SNX24: variants seen among roughly 807,000 people sequenced by gnomAD.
SNX24 encodes the protein sorting nexin-24.
Under a neutral mutation model 28.7 loss-of-function variants are expected in SNX24, and 22 were observed. That is an observed-to-expected ratio of 0.77 (90% CI 0.55 to 1.10). The LOEUF (loss-of-function observed/expected upper bound fraction) is 1.10, where lower values mean the gene tolerates loss of function less well. Among genes scored for constraint, SNX24 ranks in the 50% least tolerant of loss-of-function variants. The probability of loss-of-function intolerance (pLI) is 0.00; values close to 1 mark genes in which losing one functional copy is unlikely to be tolerated. For synonymous variants in SNX24, 69 were observed against 71.5 expected (o/e 0.96, Z 0.18); for missense variants, 221 against 201.1 (o/e 1.10, Z -0.60).
chr5:122,969,555 TA>T (rs1209303538), intron 3 of SNX24, among the ~76,000 whole-genome samples: 1 of 152,218 alleles, frequency 6.6e-6, no homozygotes, highest in African/African-American at 2.4e-5. Flanking sequence ...GATGAAATCG[TA>T]ACATCTCTTG....
At chr5:122,941,142 T>C (rs1759427809) in intron 2 of SNX24, among the ~76,000 whole-genome samples, 1 of 152,164 alleles carries the variant, frequency 6.6e-6, no homozygotes, top group Non-Finnish European at 1.5e-5. Context: ...TGTCCTTCCC[T>C]CTCATGATAA....
chr5:122,860,891 C>T (rs905891315), intron 1 of SNX24, among the ~76,000 whole-genome samples: 2 of 152,020 alleles, frequency 1.3e-5, no homozygotes, highest in East Asian at 1.9e-4. Context: ...CCACTGCGCC[C>T]GGCCAAGAAA....
intron 1 of SNX24, among the ~76,000 whole-genome samples, chr5:122,918,305 G>A (rs1285191009): frequency 6.6e-6 from 1 of 152,050 alleles, no homozygotes; most frequent in Admixed American, 6.5e-5. Context: ...CACAGAGTTT[G>A]TTCTTTGCCC....
At chr5:122,940,782 A>G (rs1301089392) in intron 2 of SNX24, among the ~76,000 whole-genome samples, 2 of 152,200 alleles carry the variant, frequency 1.3e-5, no homozygotes, top group African/African-American at 4.8e-5. Context: ...CATGTTGGCC[A>G]GGCTGGTCTC....
chr5:122,849,078 A>G (rs543718951), intron 1 of SNX24, among the ~76,000 whole-genome samples: 7 of 152,316 alleles, frequency 4.6e-5, no homozygotes, highest in East Asian at 3.9e-4. Context: ...ATCCTTGGAC[A>G]TGATTTTTTA....
chr5:123,009,910 C>G (rs1762534938), downstream of SNX24, among the ~76,000 whole-genome samples: 1 of 152,206 alleles, frequency 6.6e-6, no homozygotes. Context: ...GAGCGAAGCT[C>G]TTGAGGTAAA....
In SNX24 at chr5:123,025,822, C is replaced by T. The variant is rs143084462; in HGVS notation, n.384-3416C>T. The T allele has an allele frequency of 5.7e-3, 9,276 of 1,613,804 alleles. 38 individuals carry two copies. Among genetic ancestry groups the T allele is most frequent in the Non-Finnish European group, 7.2e-3 (8,508 of 1,179,964 alleles). On this transcript the variant is annotated intron_variant and non_coding_transcript_variant, in intron 5 of 5. Transcript: ENST00000502387. ...ACTTTTCCAAACACCACATGTTTGC[C>T]GTCCAACCAGGTGGGCTTGGTCAAG...
At chr5:122,853,670 A>G (rs1196922690) in intron 1 of SNX24, 4 of 376,022 alleles carry the variant, frequency 1.1e-5, no homozygotes, top group Non-Finnish European at 2.2e-5. Context: ...TTTTTTTCGT[A>G]CAGGTGAGGG....
At chr5:122,958,092 G>A (rs1215377827) in intron 3 of SNX24, among the ~76,000 whole-genome samples, 3 of 152,112 alleles carry the variant, frequency 2.0e-5, no homozygotes, top group Non-Finnish European at 4.4e-5. Context: ...AGGCATCATA[G>A]TTTTGTTCAT....
At chr5:122,872,414 C>T (rs868043711) in intron 1 of SNX24, among the ~76,000 whole-genome samples, 4 of 151,968 alleles carry the variant, frequency 2.6e-5, no homozygotes, top group Non-Finnish European at 2.9e-5. Flanking sequence ...CTACTTTCTC[C>T]GTTTATAAAA....
intron 3 of SNX24, chr5:122,948,686 C>G (rs1280530741): frequency 6.6e-6 from 1 of 152,172 alleles, no homozygotes; most frequent in East Asian, 1.9e-4. Context: ...TGGTCACACA[C>G]TGCTCTTTTA....
intron 3 of SNX24, chr5:122,965,440 A>G (rs922697538): frequency 8.8e-6 from 4 of 455,624 alleles, no homozygotes; most frequent in Non-Finnish European, 1.8e-5. Context: ...GTTCCCTCCC[A>G]AGAGAAATGT....
intron 1 of SNX24, among the ~76,000 whole-genome samples, chr5:122,870,752 A>G (rs26372): frequency 0.78 from 117,878 of 151,844 alleles, 46,775 homozygotes; most frequent in East Asian, 0.97. Context: ...TGCCTGAGAC[A>G]TGGAAAAACT....
chr5:122,935,701 A>G (rs1759151159), intron 1 of SNX24, among the ~76,000 whole-genome samples: 1 of 143,878 alleles, frequency 7.0e-6, no homozygotes, highest in South Asian at 2.4e-4. Context: ...TTCATAATGA[A>G]GATGTGCGAC....
Position 122,958,300 on chromosome 5 carries a change from C to G in SNX24, c.249+12141C>G, listed in dbSNP as rs531437611. Among the ~76,000 whole-genome samples, 199 of 151,934 alleles carry G rather than the reference C, an allele frequency of 1.3e-3. 1 individual carries two copies. Among genetic ancestry groups the G allele is most frequent in the African/African-American group, 4.5e-3 (185 of 41,418 alleles). ...CAGAGTTTCACTCTTGTTGCCCAGGCTGGAATGCAATGGCATGGTCTCAGC... is the reference window on the plus strand; with the variant it reads ...CAGAGTTTCACTCTTGTTGCCCAGGGTGGAATGCAATGGCATGGTCTCAGC... On this transcript the variant is annotated intron_variant, in intron 3 of 6. Transcript: ENST00000261369.
intron 5 of SNX24, among the ~76,000 whole-genome samples, chr5:123,024,298 A>C (rs1762818133): frequency 6.6e-6 from 1 of 152,354 alleles, no homozygotes; most frequent in Non-Finnish European, 1.5e-5. Flanking sequence ...CTAAAAAAGT[A>C]GATATTTTTG....
intron 5 of SNX24, among the ~76,000 whole-genome samples, chr5:123,018,492 T>G (rs1422586763): frequency 6.6e-6 from 1 of 152,112 alleles, no homozygotes; most frequent in Non-Finnish European, 1.5e-5. Context: ...TTAACAGCGC[T>G]TTGAAGGCCC....
At chr5:122,866,944 A>G (rs537267654) in intron 1 of SNX24, among the ~76,000 whole-genome samples, 1 of 152,198 alleles carries the variant, frequency 6.6e-6, no homozygotes, top group Non-Finnish European at 1.5e-5. Flanking sequence ...AGTCCTGGGG[A>G]CAGGAAGCAA....
In SNX24 at chr5:122,946,819, A is replaced by C. The variant is rs375390844; in HGVS notation, c.249+660A>C. Among the ~76,000 whole-genome samples the C allele has an allele frequency of 6.6e-5, 10 of 152,332 alleles. No individual in the cohort carries two copies. The East Asian group carries it at 1.9e-3, about 29-fold the overall frequency. ...TTCTCTGAGTTTTAAAACAAAAAGA[A>C]CTAGTGGCCCCAGGCGAGTACTCAG... is the stretch of plus-strand genomic sequence containing the variant. On this transcript the variant is annotated intron_variant, in intron 3 of 6. Coordinates refer to ENST00000261369, the MANE Select transcript of SNX24 (RefSeq NM_014035.4).
Sources: gnomAD v4.1 joint callset for allele counts (sites outside exome capture counted in the v4.1 genomes callset) on GRCh38, gnomAD v4.1.1 for gene constraint, MANE v1.5 for transcripts, NCBI Gene and HGNC (gene_info 2026-07-23, HGNC 2026-07-21) for gene names.